PPP4R4: variants seen among roughly 807,000 people sequenced by gnomAD.
PPP4R4 encodes serine/threonine-protein phosphatase 4 regulatory subunit 4.
A neutral mutation model predicts 121.8 loss-of-function variants in PPP4R4; 70 were observed. The ratio of observed to expected loss-of-function variants is 0.57; its 90% CI spans 0.47 to 0.70. The LOEUF is 0.70. Among genes scored for constraint, PPP4R4 ranks in the 30% least tolerant of loss-of-function variants. The pLI is 0.00. For missense variants in PPP4R4, 875 were observed against 1,033.6 expected, an observed-to-expected ratio of 0.85 and a Z score of 2.10; for synonymous variants, 348 against 355.7, an observed-to-expected ratio of 0.98 and a Z score of 0.24.
chr14:94,187,792 G>T (rs1889368913), intron 2 of PPP4R4, among the ~76,000 whole-genome samples: 1 of 152,088 alleles, frequency 6.6e-6, no homozygotes, highest in South Asian at 2.1e-4. Flanking sequence ...TTCATAGACT[G>T]TCCCTCAAGT....
chr14:94,199,771 T>A (rs1360759715), intron 2 of PPP4R4, among the ~76,000 whole-genome samples: 2 of 152,182 alleles, frequency 1.3e-5, no homozygotes, highest in African/African-American at 4.8e-5. Flanking sequence ...GACCTGCCAG[T>A]GCCTGTTATT....
intron 2 of PPP4R4, among the ~76,000 whole-genome samples, chr14:94,187,396 T>A (rs1390647684): frequency 1.3e-5 from 2 of 152,236 alleles, no homozygotes; most frequent in Non-Finnish European, 1.5e-5. Flanking sequence ...ATTTACAAAG[T>A]ATATCTTTTT....
At position 94,208,554 on chromosome 14, in the gene PPP4R4, G is replaced by T. The variant is rs768173076; in HGVS notation, c.282G>T (p.Leu94Phe). The change falls in exon 3 of 25, where the codon TTG (leucine) becomes TTT (phenylalanine). Residue 94 changes from leucine to phenylalanine, a missense_variant. Leu to Phe is a conservative substitution (Grantham distance 22). Coordinates refer to ENST00000304338, the MANE Select transcript of PPP4R4 (RefSeq NM_058237.2). The part of the protein sequence containing the change: ...QNPTETLRRV[L>F]PKVREALHVA... Reference sequence around the variant, plus strand: ...CCACTGAGACGCTTCGGAGAGTGTTGCCAAAAGTCAGAGTAAGTTGGTATG... The same window carrying T: ...CCACTGAGACGCTTCGGAGAGTGTTTCCAAAAGTCAGAGTAAGTTGGTATG... 4 of 1,606,178 alleles carry T rather than the reference G, an allele frequency of 2.5e-6. No individual in the cohort carries two copies. The highest frequency in any genetic ancestry group is 3.4e-6 in the Non-Finnish European group (4 of 1,173,882).
At position 94,174,477 on chromosome 14, in the gene PPP4R4, G is replaced by A; in HGVS notation, c.12G>A (p.Pro4=). The A allele has an allele frequency of 1.2e-6, 2 of 1,603,266 alleles. No homozygotes were observed. The highest frequency in any genetic ancestry group is 1.7e-6 in the Non-Finnish European group (2 of 1,175,896). ...GTGCCCGGCGGTCCATGCATCCGCC[G>A]CCGCCCGCCGCCGCGATGGATTTCA... is the stretch of plus-strand genomic sequence containing the variant. MHP[P]PPAAAMDFSQ... Residue 4 remains proline, a synonymous_variant, in exon 1 of 25, where the codon CCG becomes CCA. Coordinates refer to ENST00000304338, the MANE Select transcript of PPP4R4 (RefSeq NM_058237.2).
chr14:94,275,389 C>T lies in PPP4R4; in HGVS notation c.2465C>T (p.Thr822Ile). 1 of 1,613,886 alleles carries T rather than the reference C, an allele frequency of 6.2e-7. No individual in the cohort carries two copies. Among genetic ancestry groups the T allele is most frequent in the Non-Finnish European group, 8.5e-7 (1 of 1,179,828 alleles). The change falls in exon 24 of 25, where the codon ACT becomes ATT. Residue 822 changes from threonine (T) to isoleucine (I), a missense_variant. Physicochemically the swap from Thr to Ile is moderately conservative, Grantham distance 89. Transcript: ENST00000304338. Reference protein sequence around the residue: ...VLSLADDSFRTRNASSVPSSF... With the variant: ...VLSLADDSFRIRNASSVPSSF... Reference sequence around the variant, plus strand: ...TTGCTTTCAGATGATTCATTCCGGACTCGTAATGCCAGTAGCGTTCCATCT... The same window carrying T: ...TTGCTTTCAGATGATTCATTCCGGATTCGTAATGCCAGTAGCGTTCCATCT...
rs770697660 is a variant in PPP4R4 at position 94,246,525 on chromosome 14, A to G, written c.1597A>G (p.Ile533Val). 1.2e-6 allele frequency: 2 copies of G among 1,612,760 alleles called. No individual in the cohort carries two copies. The highest frequency in any genetic ancestry group is 8.5e-7 in the Non-Finnish European group (1 of 1,179,158). The change falls in exon 14 of 25, where the codon ATC becomes GTC. Residue 533 changes from isoleucine to valine, a missense_variant. Ile to Val is a conservative substitution (Grantham distance 29, BLOSUM62 3). Coordinates refer to ENST00000304338, the MANE Select transcript of PPP4R4 (RefSeq NM_058237.2). ...CCGTTTCTTACAAAGAATGTTCACA[A>G]TCATGATGACAAATGTGAGCTCAGT... The part of the protein sequence containing the change: ...YYRFLQRMFT[I>V]MMTNNVLPVQ...
intron 2 of PPP4R4, among the ~76,000 whole-genome samples, chr14:94,185,086 G>A (rs1463283136): frequency 1.3e-5 from 2 of 152,172 alleles, no homozygotes; most frequent in Non-Finnish European, 2.9e-5. Flanking sequence ...TCAGTGTGTT[G>A]TATTGGAAAT....
chr14:94,266,992 C>T lies in PPP4R4; in HGVS notation c.2412C>T (p.Val804=). The T allele has an allele frequency of 6.3e-7, 1 of 1,597,850 alleles. No homozygotes were observed. Among genetic ancestry groups the T allele is most frequent in the Non-Finnish European group, 8.6e-7 (1 of 1,167,068 alleles). The change falls in exon 23 of 25, where the codon GTC becomes GTT. Residue 804 remains valine, a synonymous_variant. Coordinates refer to ENST00000304338, the MANE Select transcript of PPP4R4 (RefSeq NM_058237.2). Reference sequence around the variant, plus strand: ...CTACAACAGGATATACAACTTCTGTCTCAGGGTTAGGAAAGACTTCTGTGC... The same window carrying T: ...CTACAACAGGATATACAACTTCTGTTTCAGGGTTAGGAAAGACTTCTGTGC... ...KSSTTGYTTS[V]SGLGKTSVLS... is the part of the protein sequence containing the mutation.
rs778254797 is a variant in PPP4R4, at chr14:94,267,045, A to C, written c.2449+16A>C. On this transcript the variant is annotated intron_variant, in intron 23 of 24. Coordinates refer to ENST00000304338, the MANE Select transcript of PPP4R4 (RefSeq NM_058237.2). ...TCACTAGCTGGTAAGTAGCAATCTA[A>C]GTTCTTCAAAAAGTTGCTAAATTTA... 5 of 1,542,642 alleles carry C rather than the reference A, an allele frequency of 3.2e-6. No individual in the cohort carries two copies. The highest frequency in any genetic ancestry group is 1.4e-5 in the African/African-American group (1 of 72,338).
chr14:94,229,537 A>G (rs1891898715), intron 3 of PPP4R4, among the ~76,000 whole-genome samples: 1 of 152,210 alleles, frequency 6.6e-6, no homozygotes, highest in Non-Finnish European at 1.5e-5. Context: ...AAGACAGTGG[A>G]TATACAATAG....
chr14:94,219,737 C>G (rs2139490467), intron 3 of PPP4R4, among the ~76,000 whole-genome samples: 1 of 152,264 alleles, frequency 6.6e-6, no homozygotes, highest in South Asian at 2.1e-4. Context: ...AAAAGGAACA[C>G]CACCATCTAA....
At chr14:94,240,591 G>T in intron 8 of PPP4R4, 82 bp from the exon 9 acceptor site, 2 of 1,408,562 alleles carry the variant, frequency 1.4e-6, no homozygotes, top group Non-Finnish European at 9.6e-7. Context: ...TTTCTTTCTG[G>T]AATTTGTGTG....
At chr14:94,270,488 T>C (rs1465467163) in intron 23 of PPP4R4, among the ~76,000 whole-genome samples, 4 of 152,234 alleles carry the variant, frequency 2.6e-5, no homozygotes, top group Non-Finnish European at 5.9e-5. Context: ...CAACAATTAC[T>C]ATAAAATGCT....
chr14:94,250,624 A>G (rs930912177), intron 15 of PPP4R4, among the ~76,000 whole-genome samples: 2 of 152,006 alleles, frequency 1.3e-5, no homozygotes, highest in Admixed American at 6.6e-5. Context: ...TTCAATATTC[A>G]CATAATTAAC....
At chr14:94,188,384 A>G (rs1053354756) in intron 2 of PPP4R4, among the ~76,000 whole-genome samples, 1 of 152,106 alleles carries the variant, frequency 6.6e-6, no homozygotes, top group Admixed American at 6.5e-5. Context: ...GAGAGGATTA[A>G]TCTTCAGTTT....
chr14:94,231,969 CATATTT>C (rs1161831018), intron 5 of PPP4R4, among the ~76,000 whole-genome samples: 7 of 152,106 alleles, frequency 4.6e-5, no homozygotes, highest in African/African-American at 1.7e-4. Context: ...AATATTTTCT[CATATTT>C]ATATCAGTTT....
At chr14:94,180,875 T>A (rs1371934970) in intron 2 of PPP4R4, among the ~76,000 whole-genome samples, 7 of 152,126 alleles carry the variant, frequency 4.6e-5, no homozygotes, top group Admixed American at 4.6e-4. Flanking sequence ...CCTAGTGATA[T>A]GAAAGAGTGA....
intron 23 of PPP4R4, among the ~76,000 whole-genome samples, chr14:94,270,444 A>G (rs1278811290): frequency 1.3e-5 from 2 of 152,244 alleles, no homozygotes; most frequent in African/African-American, 2.4e-5. Context: ...TTTGAAAAAG[A>G]AAAAGCTGGA....
intron 2 of PPP4R4, among the ~76,000 whole-genome samples, chr14:94,197,392 A>G (rs1379905061): frequency 6.6e-6 from 1 of 150,950 alleles, no homozygotes; most frequent in African/African-American, 2.5e-5. Context: ...GATGTTATGC[A>G]TGGTTTATTT....
Sources: allele counts gnomAD v4.1 joint callset (sites outside exome capture counted in the v4.1 genomes callset), GRCh38; gene constraint gnomAD v4.1.1; transcripts MANE v1.5; gene names NCBI Gene and HGNC (gene_info 2026-07-23, HGNC 2026-07-21).